The following PTPRD variants were observed in gnomAD, a reference collection of about 807,000 sequenced individuals.
PTPRD encodes the protein receptor-type tyrosine-protein phosphatase delta.
Under a neutral mutation model 214.5 loss-of-function variants are expected in PTPRD, and 34 were observed. That is an observed-to-expected ratio of 0.16 (90% confidence interval 0.12 to 0.21). PTPRD has a LOEUF of 0.21. Among genes scored for constraint, PTPRD ranks in the 10% least tolerant of loss-of-function variants. The pLI, the probability that PTPRD is intolerant of heterozygous loss-of-function variation, is 1.00. For synonymous variants in PTPRD, 1,128 were observed against 845.7 expected (o/e 1.33, Z -5.79); for missense variants, 2,545 against 2,398.7 (o/e 1.06, Z -1.27).
intron 9 of PTPRD, among the ~76,000 whole-genome samples, chr9:9,187,729 A>G (rs1215644356): frequency 1.3e-5 from 2 of 151,988 alleles, no homozygotes; most frequent in African/African-American, 4.8e-5. Flanking sequence ...GCAGTGAACA[A>G]TATATAAAAT....
intron 11 of PTPRD, among the ~76,000 whole-genome samples, chr9:8,778,454 G>A (rs1004072510): frequency 1.3e-5 from 2 of 152,132 alleles, no homozygotes; most frequent in Non-Finnish European, 2.9e-5. Flanking sequence ...CTGGATAACA[G>A]AGCGACCGTG....
At chr9:8,524,862 G>C in intron 18 of PTPRD, 63 bp downstream of exon 18, 1 of 1,328,572 alleles carries the variant, frequency 7.5e-7, no homozygotes, top group Non-Finnish European at 1.1e-6. Context: ...CACGGACCCT[G>C]CGGCGTCTCA....
At chr9:8,955,165 A>G (rs1053687660) in intron 11 of PTPRD, among the ~76,000 whole-genome samples, 4 of 151,928 alleles carry the variant, frequency 2.6e-5, no homozygotes, top group African/African-American at 9.7e-5. Context: ...TGAAGAGCTA[A>G]TATTAGGAAA....
At chr9:9,291,662 C>T (rs1312088185) in intron 9 of PTPRD, among the ~76,000 whole-genome samples, 4 of 150,796 alleles carry the variant, frequency 2.7e-5, no homozygotes, top group Admixed American at 2.0e-4. Flanking sequence ...ACTATTTTTT[C>T]CATTGGTTTG....
intron 9 of PTPRD, among the ~76,000 whole-genome samples, chr9:9,266,950 A>G (rs1940088421): frequency 6.6e-6 from 1 of 151,298 alleles, no homozygotes; most frequent in South Asian, 2.1e-4. Flanking sequence ...CAAATTTCAG[A>G]GCATAAATAA....
At chr9:9,105,370 G>A (rs955319727) in intron 10 of PTPRD, among the ~76,000 whole-genome samples, 1 of 152,104 alleles carries the variant, frequency 6.6e-6, no homozygotes, top group Non-Finnish European at 1.5e-5. Context: ...GATTCTCTAA[G>A]TCAACTTTCA....
chr9:10,185,865 G>T (rs1010387851), intron 3 of PTPRD, among the ~76,000 whole-genome samples: 9 of 152,054 alleles, frequency 5.9e-5, no homozygotes, highest in Non-Finnish European at 1.2e-4. Context: ...AATAAAACCT[G>T]CCATGTCTAT....
At chr9:8,680,655 C>T (rs565641784) in intron 12 of PTPRD, among the ~76,000 whole-genome samples, 1 of 152,252 alleles carries the variant, frequency 6.6e-6, no homozygotes, top group East Asian at 1.9e-4. Flanking sequence ...TACTACCTAG[C>T]AAAATACAGA....
chr9:9,691,075 C>T (rs1369480373), intron 7 of PTPRD, among the ~76,000 whole-genome samples: 2 of 151,820 alleles, frequency 1.3e-5, no homozygotes, highest in East Asian at 1.9e-4. Context: ...TTGGTACAGG[C>T]ATGCAATGCA....
chr9:8,987,470 A>C (rs2099350192), intron 11 of PTPRD, among the ~76,000 whole-genome samples: 1 of 152,232 alleles, frequency 6.6e-6, no homozygotes, highest in South Asian at 2.1e-4. Flanking sequence ...GCATAAAGAC[A>C]ATAGGTGGTG....
At chr9:9,867,911 C>T (rs1230395817) in intron 5 of PTPRD, among the ~76,000 whole-genome samples, 1 of 152,152 alleles carries the variant, frequency 6.6e-6, no homozygotes, top group African/African-American at 2.4e-5. Context: ...AGAAAGAAAT[C>T]TGGAAGGAGC....
intron 7 of PTPRD, among the ~76,000 whole-genome samples, chr9:9,666,413 C>T (rs976048542): frequency 2.0e-5 from 3 of 151,844 alleles, no homozygotes; most frequent in African/African-American, 7.3e-5. Flanking sequence ...GTCTATCTTT[C>T]GTAGAGGAGA....
chr9:10,593,668 A>T (rs1191266944), intron 2 of PTPRD, among the ~76,000 whole-genome samples: 1 of 152,014 alleles, frequency 6.6e-6, no homozygotes, highest in Non-Finnish European at 1.5e-5. Context: ...ATTAATACAA[A>T]GAGATTTTGA....
At chr9:10,207,565 G>C (rs2099489835) in intron 3 of PTPRD, among the ~76,000 whole-genome samples, 1 of 151,890 alleles carries the variant, frequency 6.6e-6, no homozygotes, top group African/African-American at 2.4e-5. Context: ...TAACTAAATA[G>C]TAATTGTATT....
intron 11 of PTPRD, among the ~76,000 whole-genome samples, chr9:8,967,861 T>C (rs977580197): frequency 5.9e-5 from 9 of 152,032 alleles, no homozygotes; most frequent in Non-Finnish European, 1.0e-4. Flanking sequence ...CATTAACTCG[T>C]CATTTAGCAT....
intron 39 of PTPRD, among the ~76,000 whole-genome samples, chr9:8,368,001 T>C (rs1017432327): frequency 1.3e-5 from 2 of 152,164 alleles, no homozygotes; most frequent in Non-Finnish European, 2.9e-5. Context: ...CAGCTAAGAT[T>C]TGAACTCTGT....
intron 3 of PTPRD, among the ~76,000 whole-genome samples, chr9:10,034,407 CTTTTTTTTT>C (rs56827836): frequency 1.8e-4 from 16 of 89,542 alleles, no homozygotes; most frequent in Non-Finnish European, 1.9e-4. Flanking sequence ...CCTGGCTCTA[CTTTTTTTTT>C]TTTTTTTTTT....
chr9:10,269,278 A>G (rs2094284929), intron 3 of PTPRD, among the ~76,000 whole-genome samples: 1 of 152,376 alleles, frequency 6.6e-6, no homozygotes, highest in South Asian at 2.1e-4. Context: ...TCCACGTAAG[A>G]GGACAAGCAA....
At chr9:9,368,121 T>C (rs938873583) in intron 9 of PTPRD, among the ~76,000 whole-genome samples, 29 of 151,804 alleles carry the variant, frequency 1.9e-4, no homozygotes, top group African/African-American at 6.3e-4. Context: ...CCAAATTTGA[T>C]TTTAAGTATG....
Sources: gnomAD v4.1 joint callset for allele counts (sites outside exome capture counted in the v4.1 genomes callset) on GRCh38, gnomAD v4.1.1 for gene constraint, MANE v1.5 for transcripts, NCBI Gene and HGNC (gene_info 2026-07-23, HGNC 2026-07-21) for gene names.